Variants in MPHOSPH9 observed in about 807,000 individuals in gnomAD.
MPHOSPH9 encodes M-phase phosphoprotein 9.
In MPHOSPH9, 88 loss-of-function variants were observed where a neutral mutation model predicts 145.5. That is an observed-to-expected ratio of 0.60 (90% CI 0.51 to 0.72). The LOEUF is 0.72. Ranked by LOEUF, MPHOSPH9 falls within the 30% of genes least tolerant of loss-of-function variation. The pLI is 0.00. For missense variants in MPHOSPH9, 1,238 were observed against 1,386.6 expected (o/e 0.89, Z 1.70); for synonymous variants, 435 against 486.2 (o/e 0.89, Z 1.39).
chr12:123,161,417 T>C (rs1458164487), intron 21 of MPHOSPH9, 34 bp from the exon 22 acceptor site: 3 of 1,608,692 alleles, frequency 1.9e-6, no homozygotes, highest in Non-Finnish European at 2.5e-6. Context: ...TTATATTTCT[T>C]ATCAATTTTT....
chr12:123,152,532 A>G (rs1352327221), downstream of MPHOSPH9: 1 of 455,424 alleles, frequency 2.2e-6, no homozygotes, highest in Admixed American at 2.4e-5. Context: ...AGATGTAAAA[A>G]TTATCCTTGA....
At chr12:123,212,966 TCTC>T (rs984230611) in intron 7 of MPHOSPH9, among the ~76,000 whole-genome samples, 2 of 150,150 alleles carry the variant, frequency 1.3e-5, no homozygotes, top group African/African-American at 4.9e-5. Context: ...TTCACGCCAT[TCTC>T]CTGCCTCAGC....
chr12:123,217,681 T>G (rs922064662), intron 6 of MPHOSPH9, among the ~76,000 whole-genome samples: 3 of 152,158 alleles, frequency 2.0e-5, no homozygotes, highest in Non-Finnish European at 4.4e-5. Flanking sequence ...AGCTTTGATT[T>G]CTAGCCTACT....
At chr12:123,232,328 C>G (rs1482642438) in intron 1 of MPHOSPH9, among the ~76,000 whole-genome samples, 1 of 151,666 alleles carries the variant, frequency 6.6e-6, no homozygotes, top group Non-Finnish European at 1.5e-5. Flanking sequence ...GGGGGGAGGG[C>G]AGGGAAGTAA....
intron 13 of MPHOSPH9, among the ~76,000 whole-genome samples, chr12:123,182,249 G>GTTTTTTTTTTTTTT (rs72067812): frequency 1.5e-5 from 2 of 137,234 alleles, no homozygotes; most frequent in Non-Finnish European, 1.5e-5. Context: ...TTTTTTTTGT[G>GTTTTTTTTTTTTTT]TTTTTTTTTT....
intron 5 of MPHOSPH9, among the ~76,000 whole-genome samples, 175 bp downstream of exon 5, chr12:123,221,197 C>T (rs2047186149): frequency 6.6e-6 from 1 of 152,202 alleles, no homozygotes; most frequent in African/African-American, 2.4e-5. Context: ...TATAACATTA[C>T]AGATGGGAAG....
chr12:123,202,034 A>T, intron 11 of MPHOSPH9, 130 bp downstream of exon 11: 1 of 1,034,224 alleles, frequency 9.7e-7, no homozygotes. Context: ...AGCTTCAAAA[A>T]TACTTAGGCA....
rs1247129612 is a variant in MPHOSPH9 at position 123,202,856 on chromosome 12, G to A, written c.1549C>T (p.Pro517Ser). Reference protein sequence around the residue: ...PKYPSHTKASPVDSWKNQTFQ... With the variant: ...PKYPSHTKASSVDSWKNQTFQ... Reference sequence around the variant, plus strand: ...GTCTGATTTTTCCAAGAGTCCACCGGAGAAGCTTTTGTGTGTGAGGGATAT... The same window carrying A: ...GTCTGATTTTTCCAAGAGTCCACCGAAGAAGCTTTTGTGTGTGAGGGATAT... Residue 517 changes from proline (P) to serine (S), a missense_variant, in exon 10 of 24, where the codon CCG becomes TCG. Around this residue, in one of 3 missense-constraint regions of MPHOSPH9, gnomAD observed 837 missense variants for 897.5 expected, o/e 0.93. Coordinates refer to ENST00000606320, the MANE Select transcript of MPHOSPH9 (RefSeq NM_022782.4). 12 of 1,614,198 alleles carry A rather than the reference G, an allele frequency of 7.4e-6. No individual in the cohort carries two copies. The highest frequency in any genetic ancestry group is 9.3e-6 in the Non-Finnish European group (11 of 1,180,042).
At chr12:123,160,936 T>C (rs1593058215) in intron 22 of MPHOSPH9, 87 bp from the exon 23 acceptor site, 2 of 1,442,862 alleles carry the variant, frequency 1.4e-6, no homozygotes, top group East Asian at 4.7e-5. Flanking sequence ...GGCTTAGTAT[T>C]TCCTTGTCCA....
intron 19 of MPHOSPH9, chr12:123,163,400 A>G (rs1348929667): frequency 5.7e-6 from 2 of 348,404 alleles, no homozygotes; most frequent in Admixed American, 4.8e-5. Flanking sequence ...GTCGACTGGA[A>G]ATAAGATGGA....
chr12:123,230,321 G>A lies in MPHOSPH9; in HGVS notation c.44C>T (p.Ser15Phe), dbSNP rs1455043274. Reference protein sequence around the residue: ...DLVKTLHKTSSSVGSDENSLH... With the variant: ...DLVKTLHKTSFSVGSDENSLH... ...AGAATTTTCATCAGATCCTACAGAA[G>A]ATGAAGTTTTGTGTAAGGTTTTCAC... The change falls in exon 2 of 24, where the codon TCT becomes TTT. Residue 15 changes from serine to phenylalanine, a missense_variant. By Grantham distance (155) the Ser-to-Phe change is radical. Coordinates refer to ENST00000606320, the MANE Select transcript of MPHOSPH9 (RefSeq NM_022782.4). The A allele has an allele frequency of 1.3e-6, 2 of 1,534,054 alleles. No homozygotes were observed. Among genetic ancestry groups the A allele is most frequent in the Admixed American group, 2.0e-5 (1 of 50,850 alleles).
At chr12:123,226,893 G>A (rs1418914297) in intron 3 of MPHOSPH9, among the ~76,000 whole-genome samples, 12 of 152,096 alleles carry the variant, frequency 7.9e-5, no homozygotes, top group Non-Finnish European at 1.8e-4. Context: ...CACCTTGGCC[G>A]CCTAAAGTGC....
chr12:123,186,041 A>G (rs561520043), intron 13 of MPHOSPH9, among the ~76,000 whole-genome samples: 8 of 151,970 alleles, frequency 5.3e-5, no homozygotes, highest in Non-Finnish European at 8.8e-5. Flanking sequence ...CCTGACCAAC[A>G]TGGTGAAACC....
intron 13 of MPHOSPH9, among the ~76,000 whole-genome samples, chr12:123,187,092 T>C (rs1485934515): frequency 6.6e-6 from 1 of 152,036 alleles, no homozygotes; most frequent in Non-Finnish European, 1.5e-5. Flanking sequence ...AAACCCTGTT[T>C]CTACCAAAAA....
intron 13 of MPHOSPH9, among the ~76,000 whole-genome samples, chr12:123,189,342 A>C (rs1335632420): frequency 6.6e-6 from 1 of 152,154 alleles, no homozygotes; most frequent in Non-Finnish European, 1.5e-5. Flanking sequence ...GCTCCTGAAC[A>C]ACAGAGTCCA....
chr12:123,217,001 AAAT>A (rs1442063706), intron 6 of MPHOSPH9, among the ~76,000 whole-genome samples: 3 of 151,772 alleles, frequency 2.0e-5, no homozygotes, highest in Admixed American at 6.6e-5. Context: ...AAAAATAAAT[AAAT>A]AAATAAATAA....
chr12:123,224,524 G>A (rs1457144870), intron 3 of MPHOSPH9, among the ~76,000 whole-genome samples: 3 of 152,060 alleles, frequency 2.0e-5, no homozygotes, highest in Non-Finnish European at 4.4e-5. Flanking sequence ...ACCCGCCTCG[G>A]TCTCCCAAAG....
chr12:123,205,858 T>C (rs2046403953), intron 8 of MPHOSPH9, among the ~76,000 whole-genome samples: 1 of 152,204 alleles, frequency 6.6e-6, no homozygotes, highest in Admixed American at 6.5e-5. Flanking sequence ...TGTGACAGAC[T>C]GTCATTCCCT....
chr12:123,221,539 C>T lies in MPHOSPH9; in HGVS notation c.705G>A (p.Pro235=), dbSNP rs557718879. 2.1e-5 allele frequency: 34 copies of T among 1,614,180 alleles called. No individual in the cohort carries two copies. Among genetic ancestry groups the T allele is most frequent in the Admixed American group, 1.7e-4 (10 of 60,004 alleles). The part of the protein sequence containing the change: ...PKGQYVAPAV[P]AESLVDGVKN... The stretch of plus-strand genomic sequence containing the variant: ...TCACACCATCTACAAGTGACTCAGC[C>T]GGCACCGCAGGTGCTACATACTGTC... The change falls in exon 5 of 24, where the codon CCG becomes CCA. Residue 235 remains proline (P), a synonymous_variant. Coordinates refer to ENST00000606320, the MANE Select transcript of MPHOSPH9 (RefSeq NM_022782.4).
Sources: allele counts gnomAD v4.1 joint callset (sites outside exome capture counted in the v4.1 genomes callset), GRCh38; gene constraint gnomAD v4.1.1; regional missense constraint gnomAD v4.1.1; transcripts MANE v1.5; gene names NCBI Gene and HGNC (gene_info 2026-07-23, HGNC 2026-07-21).